The following GPC5 variants were observed in gnomAD, a reference collection of about 807,000 sequenced individuals.
GPC5 encodes glypican-5.
GPC5 carries 47 observed loss-of-function variants against 53.9 expected under a neutral mutation model. The observed-to-expected ratio is 0.87, with a 90% CI of 0.69 to 1.11. GPC5 has a LOEUF of 1.11. Among genes scored for constraint, GPC5 ranks in the 50% most tolerant of loss-of-function variants. The pLI, the probability that GPC5 is intolerant of heterozygous loss-of-function variation, is 0.00. For synonymous variants in GPC5, 286 were observed against 263.3 expected, an observed-to-expected ratio of 1.09 and a Z score of -0.84; for missense variants, 748 against 713.1, an observed-to-expected ratio of 1.05 and a Z score of -0.56.
intron 6 of GPC5, among the ~76,000 whole-genome samples, chr13:92,107,694 C>A (rs536126010): frequency 1.3e-5 from 2 of 152,190 alleles, no homozygotes; most frequent in East Asian, 3.9e-4. Context: ...AAATATATTT[C>A]AGGTCCTACA....
At chr13:91,561,376 G>C (rs944577838) in intron 2 of GPC5, among the ~76,000 whole-genome samples, 2 of 152,068 alleles carry the variant, frequency 1.3e-5, no homozygotes. Context: ...ATCTTTGGGG[G>C]AACTGAAGAT....
intron 7 of GPC5, among the ~76,000 whole-genome samples, chr13:92,555,038 G>T (rs1882447483): frequency 1.3e-5 from 2 of 150,476 alleles, no homozygotes; most frequent in South Asian, 4.2e-4. Context: ...TCTTTTTCAA[G>T]ATTATAAAAA....
At chr13:92,653,402 C>T (rs1886022415) in intron 7 of GPC5, among the ~76,000 whole-genome samples, 1 of 152,136 alleles carries the variant, frequency 6.6e-6, no homozygotes, top group African/African-American at 2.4e-5. Context: ...AGGGAGCATA[C>T]CCAAGAATGG....
intron 7 of GPC5, among the ~76,000 whole-genome samples, chr13:92,699,606 C>T (rs1887664629): frequency 6.6e-6 from 1 of 152,054 alleles, no homozygotes; most frequent in Admixed American, 6.6e-5. Flanking sequence ...TAAATGTGTC[C>T]CAAAGATTGT....
intron 7 of GPC5, among the ~76,000 whole-genome samples, chr13:92,317,026 T>C (rs1171930370): frequency 6.6e-6 from 1 of 152,180 alleles, no homozygotes; most frequent in East Asian, 1.9e-4. Flanking sequence ...TACAGAAAAT[T>C]CTATTTCAAG....
intron 1 of GPC5, among the ~76,000 whole-genome samples, chr13:91,436,505 G>A (rs1324376619): frequency 6.6e-6 from 1 of 152,212 alleles, no homozygotes; most frequent in Non-Finnish European, 1.5e-5. Context: ...TTTTGAGGGA[G>A]TTTCTTAATC....
chr13:91,592,190 G>T (rs535278404), intron 2 of GPC5, among the ~76,000 whole-genome samples: 1 of 152,208 alleles, frequency 6.6e-6, no homozygotes, highest in African/African-American at 2.4e-5. Flanking sequence ...TTCACAGGGT[G>T]AGTATATTAG....
At chr13:92,281,721 G>A (rs1023059885) in intron 7 of GPC5, among the ~76,000 whole-genome samples, 5 of 152,114 alleles carry the variant, frequency 3.3e-5, no homozygotes. Context: ...CAACAGAAAG[G>A]ACATCCACAC....
intron 7 of GPC5, among the ~76,000 whole-genome samples, chr13:92,363,747 C>T (rs1235066565): frequency 6.6e-6 from 1 of 151,628 alleles, no homozygotes; most frequent in African/African-American, 2.4e-5. Flanking sequence ...AACTGAATGC[C>T]AGAACAAAGG....
At chr13:91,864,501 T>C (rs1566311039) in intron 5 of GPC5, among the ~76,000 whole-genome samples, 1 of 152,218 alleles carries the variant, frequency 6.6e-6, no homozygotes, top group Non-Finnish European at 1.5e-5. Flanking sequence ...GTATATATTG[T>C]ATAGAACTGG....
intron 7 of GPC5, among the ~76,000 whole-genome samples, chr13:92,378,981 A>C (rs2139303689): frequency 6.6e-6 from 1 of 152,342 alleles, no homozygotes; most frequent in East Asian, 1.9e-4. Flanking sequence ...TATGATATGC[A>C]GTCATAGAGA....
At chr13:91,647,157 T>C (rs2034580767) in intron 2 of GPC5, among the ~76,000 whole-genome samples, 1 of 151,022 alleles carries the variant, frequency 6.6e-6, no homozygotes, top group South Asian at 2.1e-4. Context: ...TTTAAGGGCT[T>C]ACCCTGTTTT....
chr13:91,562,390 A>G (rs1317002095), intron 2 of GPC5, among the ~76,000 whole-genome samples: 2 of 152,060 alleles, frequency 1.3e-5, no homozygotes, highest in Non-Finnish European at 2.9e-5. Flanking sequence ...CCAAATATTT[A>G]GGAAAAGAAA....
At chr13:92,294,504 C>T (rs1450226105) in intron 7 of GPC5, among the ~76,000 whole-genome samples, 2 of 152,086 alleles carry the variant, frequency 1.3e-5, no homozygotes, top group African/African-American at 4.8e-5. Flanking sequence ...TTCATAGTAG[C>T]CTTGAGTGAT....
At chr13:91,476,880 A>G (rs1882960400) in intron 2 of GPC5, among the ~76,000 whole-genome samples, 1 of 152,206 alleles carries the variant, frequency 6.6e-6, no homozygotes, top group African/African-American at 2.4e-5. Flanking sequence ...GCTGAAAGTG[A>G]AGAAATTGGC....
intron 2 of GPC5, among the ~76,000 whole-genome samples, chr13:91,611,351 C>T (rs960492142): frequency 1.1e-4 from 16 of 152,170 alleles, no homozygotes; most frequent in African/African-American, 3.9e-4. Context: ...AAGGTCATGA[C>T]TTTAAGTGAT....
intron 7 of GPC5, among the ~76,000 whole-genome samples, chr13:92,170,547 T>C (rs542479188): frequency 1.4e-5 from 2 of 146,596 alleles, no homozygotes; most frequent in African/African-American, 2.5e-5. Flanking sequence ...TGCCTCAGCC[T>C]CCTGAGTGGC....
intron 2 of GPC5, among the ~76,000 whole-genome samples, chr13:91,575,174 A>G (rs767230606): frequency 4.6e-5 from 7 of 152,182 alleles, no homozygotes; most frequent in Non-Finnish European, 1.0e-4. Context: ...TCCATCTCAA[A>G]TCCTATAACC....
rs1362356892 is a variant in GPC5 at position 92,290,594 on chromosome 13, C to T, written c.1561+145605C>T. Among the ~76,000 whole-genome samples the T allele has an allele frequency of 5.3e-5, 8 of 152,312 alleles. No individual in the cohort carries two copies. In the South Asian group the frequency reaches 1.0e-3, roughly 20 times the overall value. The stretch of plus-strand genomic sequence containing the variant: ...GGGAGAACATAGGATGTTTGGTTTT[C>T]CATTCCTGAGTTACTTCACTTAGAA... On this transcript the variant is annotated intron_variant, in intron 7 of 7. Transcript: ENST00000377067.
Sources: allele counts gnomAD v4.1 joint callset (sites outside exome capture counted in the v4.1 genomes callset), GRCh38; gene constraint gnomAD v4.1.1; transcripts MANE v1.5; gene names NCBI Gene and HGNC (gene_info 2026-07-23, HGNC 2026-07-21).